R3HDM2: variants seen among roughly 807,000 people sequenced by gnomAD.
The protein encoded by R3HDM2 is R3H domain-containing protein 2.
Under a neutral mutation model 124.5 loss-of-function variants are expected in R3HDM2, and 38 were observed. The ratio of observed to expected loss-of-function variants is 0.31; its 90% CI spans 0.24 to 0.40. The LOEUF is 0.40. Among genes scored for constraint, R3HDM2 ranks in the 10% least tolerant of loss-of-function variants. R3HDM2 has a pLI of 1.00. For missense variants in R3HDM2, 869 were observed against 1,236.9 expected (o/e 0.70, Z 4.46); for synonymous variants, 391 against 448.0 (o/e 0.87, Z 1.61).
At position 57,254,972 on chromosome 12, in the gene R3HDM2, C is replaced by A. The variant is rs756041976; in HGVS notation, c.2774G>T (p.Gly925Val). ...CTCAGCAGTCCCACTGTTGTCCCCCCCACCCCCTCCAGGCAGCCCCTGAGC... is the reference window on the plus strand; with the variant it reads ...CTCAGCAGTCCCACTGTTGTCCCCCACACCCCCTCCAGGCAGCCCCTGAGC... The part of the protein sequence containing the change: ...KDAQGLPGGG[G>V]GDNSGTAENG... Residue 925 changes from glycine to valine, a missense_variant, in exon 24 of 24, where the codon GGG (glycine) becomes GTG (valine). This residue lies in a region of R3HDM2 where 602 missense variants were observed against 789.2 expected (regional missense o/e 0.76). Coordinates refer to ENST00000402412, the MANE Select transcript of R3HDM2 (RefSeq NM_001394031.1). 1.9e-6 allele frequency: 3 copies of A among 1,614,120 alleles called. No individual in the cohort carries two copies. The highest frequency in any genetic ancestry group is 1.7e-6 in the Non-Finnish European group (2 of 1,180,002).
intron 1 of R3HDM2, among the ~76,000 whole-genome samples, chr12:57,397,209 T>C (rs555501921): frequency 1.3e-5 from 2 of 152,292 alleles, no homozygotes; most frequent in Non-Finnish European, 2.9e-5. Flanking sequence ...TGAATATAAG[T>C]AGGCATTACA....
At chr12:57,390,420 A>G (rs1043822388) in intron 2 of R3HDM2, among the ~76,000 whole-genome samples, 2 of 152,164 alleles carry the variant, frequency 1.3e-5, no homozygotes, top group Non-Finnish European at 2.9e-5. Flanking sequence ...GACTGAGGCC[A>G]AATGCAGTGG....
intron 4 of R3HDM2, 25 bp from the exon 5 acceptor site, chr12:57,300,206 C>T: frequency 6.5e-7 from 1 of 1,531,670 alleles, no homozygotes; most frequent in East Asian, 2.5e-5. Flanking sequence ...AAACAATTTT[C>T]AATTTTTTTA....
chr12:57,325,651 C>T (rs1208521643), intron 2 of R3HDM2, among the ~76,000 whole-genome samples: 1 of 151,832 alleles, frequency 6.6e-6, no homozygotes, highest in East Asian at 1.9e-4. Context: ...CCCAAGCTAT[C>T]CTCCCACCTC....
At chr12:57,316,818 T>G (rs973106518) in intron 2 of R3HDM2, among the ~76,000 whole-genome samples, 1 of 151,404 alleles carries the variant, frequency 6.6e-6, no homozygotes, top group African/African-American at 2.4e-5. Flanking sequence ...GGTGTGATCT[T>G]GACTCACTGC....
At chr12:57,425,539 A>G (rs773312780) in intron 1 of R3HDM2, among the ~76,000 whole-genome samples, 1 of 151,150 alleles carries the variant, frequency 6.6e-6, no homozygotes, top group Non-Finnish European at 1.5e-5. Context: ...GCAGCTCACA[A>G]CTGTAATCCC....
At chr12:57,424,474 T>C (rs1435798869) in intron 1 of R3HDM2, among the ~76,000 whole-genome samples, 3 of 152,116 alleles carry the variant, frequency 2.0e-5, no homozygotes, top group South Asian at 2.1e-4. Flanking sequence ...ATATTTCAAA[T>C]GTACCTACCA....
chr12:57,256,295 C>T (rs2038980304), intron 22 of R3HDM2, 119 bp downstream of exon 22: 1 of 971,816 alleles, frequency 1.0e-6, no homozygotes, highest in South Asian at 1.7e-5. Flanking sequence ...GGGCAAGGCT[C>T]CTGCTTTGTT....
At chr12:57,351,802 T>C (rs1699116452) in intron 2 of R3HDM2, among the ~76,000 whole-genome samples, 2 of 152,176 alleles carry the variant, frequency 1.3e-5, no homozygotes, top group South Asian at 2.1e-4. Flanking sequence ...GTCAATATTG[T>C]TATTACTGAG....
chr12:57,363,961 T>C (rs1268935612), intron 2 of R3HDM2, among the ~76,000 whole-genome samples: 4 of 152,124 alleles, frequency 2.6e-5, no homozygotes, highest in Non-Finnish European at 5.9e-5. Flanking sequence ...CAGTTTCCTC[T>C]TCAATTTTGA....
chr12:57,417,495 G>A (rs1459721677), intron 1 of R3HDM2, among the ~76,000 whole-genome samples: 2 of 152,080 alleles, frequency 1.3e-5, no homozygotes, highest in Non-Finnish European at 2.9e-5. Flanking sequence ...ACTGTGAAAT[G>A]GGAATAATAC....
chr12:57,426,114 G>A (rs566046631), intron 1 of R3HDM2, among the ~76,000 whole-genome samples: 138 of 152,236 alleles, frequency 9.1e-4, no homozygotes, highest in African/African-American at 3.2e-3. Flanking sequence ...TGTAATCCCA[G>A]CTACTTGGGA....
chr12:57,361,068 A>AAAGC (rs2061897576), intron 2 of R3HDM2, among the ~76,000 whole-genome samples: 3 of 150,490 alleles, frequency 2.0e-5, no homozygotes, highest in Non-Finnish European at 4.4e-5. Context: ...AAAAAAAAAA[A>AAAGC]AAAGCAAAGC....
At chr12:57,344,849 G>A (rs191368667) in intron 2 of R3HDM2, among the ~76,000 whole-genome samples, 2 of 150,922 alleles carry the variant, frequency 1.3e-5, no homozygotes, top group African/African-American at 4.9e-5. Flanking sequence ...TTTTTGAGAT[G>A]GAGTTTTGCT....
At chr12:57,413,763 A>C (rs2069240563) in intron 1 of R3HDM2, among the ~76,000 whole-genome samples, 1 of 151,374 alleles carries the variant, frequency 6.6e-6, no homozygotes, top group South Asian at 2.1e-4. Context: ...CAACAACAAC[A>C]AAAAAAACAA....
chr12:57,337,634 C>T (rs2136852462), intron 2 of R3HDM2, among the ~76,000 whole-genome samples: 1 of 152,162 alleles, frequency 6.6e-6, no homozygotes, highest in Non-Finnish European at 1.5e-5. Context: ...ACAAAAAAAC[C>T]CGAAACATTG....
chr12:57,337,700 A>G (rs1438170502), intron 2 of R3HDM2, among the ~76,000 whole-genome samples: 1 of 152,190 alleles, frequency 6.6e-6, no homozygotes, highest in Non-Finnish European at 1.5e-5. Context: ...TAGCAGATAT[A>G]GAAAGAGAGC....
chr12:57,274,986 AC>A (rs928472307), intron 14 of R3HDM2, among the ~76,000 whole-genome samples: 32 of 152,346 alleles, frequency 2.1e-4, no homozygotes, highest in African/African-American at 7.5e-4. Flanking sequence ...TTCATATGGA[AC>A]AAAAAAAGAG....
At chr12:57,324,243 G>C (rs894391519) in intron 2 of R3HDM2, among the ~76,000 whole-genome samples, 1 of 152,186 alleles carries the variant, frequency 6.6e-6, no homozygotes, top group African/African-American at 2.4e-5. Context: ...GAGTGCAATG[G>C]CGTGATCTCG....
Sources: allele counts gnomAD v4.1 joint callset (sites outside exome capture counted in the v4.1 genomes callset), GRCh38; gene constraint gnomAD v4.1.1; regional missense constraint gnomAD v4.1.1; transcripts MANE v1.5; gene names NCBI Gene and HGNC (gene_info 2026-07-23, HGNC 2026-07-21).